Variants in NME7 observed in about 807,000 individuals in gnomAD.
NME7 encodes nucleoside diphosphate kinase 7.
A neutral mutation model predicts 49.1 loss-of-function variants in NME7; 41 were observed. The observed-to-expected ratio is 0.83, with a 90% CI of 0.65 to 1.08. The LOEUF (loss-of-function observed/expected upper bound fraction) is 1.08, where lower values mean the gene tolerates loss of function less well. Ranked by LOEUF, NME7 falls within the 50% of genes least tolerant of loss-of-function variation. The probability of loss-of-function intolerance (pLI) is 0.00; values close to 1 mark genes in which losing one functional copy is unlikely to be tolerated. For missense variants in NME7, 423 were observed against 463.4 expected (o/e 0.91, Z 0.80); for synonymous variants, 139 against 150.6 (o/e 0.92, Z 0.56).
intron 1 of NME7, among the ~76,000 whole-genome samples, chr1:169,332,973 AAGGG>A (rs1652315344): frequency 6.6e-6 from 1 of 152,200 alleles, no homozygotes; most frequent in South Asian, 2.1e-4. Flanking sequence ...ACCCAAATAA[AAGGG>A]AATCAGTATA....
intron 11 of NME7, among the ~76,000 whole-genome samples, chr1:169,153,089 T>G (rs1349807329): frequency 3.3e-5 from 5 of 152,136 alleles, no homozygotes; most frequent in Non-Finnish European, 7.4e-5. Flanking sequence ...TTAGACAAAC[T>G]TGGGTTCAAA....
intron 7 of NME7, among the ~76,000 whole-genome samples, chr1:169,247,764 A>G (rs188894395): frequency 1.3e-5 from 2 of 152,186 alleles, no homozygotes; most frequent in Admixed American, 6.5e-5. Context: ...TGAGTACTTC[A>G]CTTAGAATAA....
At chr1:169,228,007 T>A (rs1647414725) in intron 10 of NME7, among the ~76,000 whole-genome samples, 2 of 148,424 alleles carry the variant, frequency 1.3e-5, no homozygotes, top group South Asian at 2.1e-4. Flanking sequence ...ATAACAAAAA[T>A]AAAGATAGAA....
intron 11 of NME7, among the ~76,000 whole-genome samples, chr1:169,162,553 A>G (rs1659280724): frequency 6.6e-6 from 1 of 152,178 alleles, no homozygotes; most frequent in African/African-American, 2.4e-5. Context: ...TTTAAAAAAT[A>G]TAAATACAGG....
chr1:169,362,329 T>C (rs767813121), intron 1 of NME7, among the ~76,000 whole-genome samples: 2 of 152,230 alleles, frequency 1.3e-5, no homozygotes, highest in African/African-American at 2.4e-5. Context: ...TAACAGTTCA[T>C]CTGGAGTAAT....
intron 1 of NME7, among the ~76,000 whole-genome samples, chr1:169,354,665 C>T (rs193232325): frequency 9.4e-4 from 137 of 145,396 alleles, no homozygotes; most frequent in Middle Eastern, 3.7e-3. Context: ...TAAATATATA[C>T]TTATATATTT....
rs748713116 is a variant in NME7 at position 169,230,828 on chromosome 1, T to C, written c.889-9A>G. ...ATTTCTGTCACCATGTCCTATGATATGTAATATAAAAGAATGAAAAGAATT... is the reference window on the plus strand; with the variant it reads ...ATTTCTGTCACCATGTCCTATGATACGTAATATAAAAGAATGAAAAGAATT... On this transcript the variant is annotated splice_polypyrimidine_tract_variant and intron_variant, in intron 9 of 11. Coordinates refer to ENST00000367811, the MANE Select transcript of NME7 (RefSeq NM_013330.5). The C allele has an allele frequency of 1.4e-5, 22 of 1,531,564 alleles. No homozygotes were observed. The highest frequency in any genetic ancestry group is 2.8e-5 in the African/African-American group (2 of 72,142). 94.9% of individuals were successfully genotyped at this position (1,531,564 alleles called of 1,614,324 possible). A position where few individuals can be genotyped will look rare whatever the true frequency, so the allele number is the denominator to read the frequency against.
At chr1:169,165,760 AAAT>A (rs1435700779) in intron 11 of NME7, among the ~76,000 whole-genome samples, 1 of 152,214 alleles carries the variant, frequency 6.6e-6, no homozygotes. Context: ...ATCTGAAGCC[AAAT>A]AATAATCTGA....
chr1:169,273,903 A>G (rs1649594435), intron 7 of NME7, among the ~76,000 whole-genome samples: 1 of 129,048 alleles, frequency 7.7e-6, no homozygotes, highest in Non-Finnish European at 1.8e-5. Context: ...GCTATTGTGA[A>G]TAGTGCCGCA....
intron 10 of NME7, among the ~76,000 whole-genome samples, chr1:169,216,878 G>A (rs1049206008): frequency 6.6e-6 from 1 of 152,200 alleles, no homozygotes; most frequent in Admixed American, 6.5e-5. Context: ...CTTTTCTGTT[G>A]ACTGTTGTGA....
chr1:169,202,139 T>C (rs1352357382), intron 10 of NME7, among the ~76,000 whole-genome samples: 1 of 152,188 alleles, frequency 6.6e-6, no homozygotes, highest in Non-Finnish European at 1.5e-5. Flanking sequence ...TTGCTGCACA[T>C]AGTAACTGAT....
chr1:169,283,536 A>G (rs757566448), intron 7 of NME7, among the ~76,000 whole-genome samples: 3 of 152,146 alleles, frequency 2.0e-5, no homozygotes, highest in Non-Finnish European at 4.4e-5. Flanking sequence ...GTTTCTTCAT[A>G]GTGTCGATGT....
rs77828579 is a variant in NME7, at chr1:169,331,003, A to G, written c.4-6503T>C. On this transcript the variant is annotated intron_variant, in intron 1 of 11. Coordinates refer to ENST00000367811, the MANE Select transcript of NME7 (RefSeq NM_013330.5). Reference sequence around the variant, plus strand: ...CAAAACCAGACAATGACACATCAAAATAAATAAATAAATAAAACTACAGGT... The same window carrying G: ...CAAAACCAGACAATGACACATCAAAGTAAATAAATAAATAAAACTACAGGT... Among the ~76,000 whole-genome samples the G allele has an allele frequency of 6.2e-3, 945 of 152,258 alleles. 10 individuals carry two copies. The highest frequency in any genetic ancestry group is 0.021 in the African/African-American group (891 of 41,554).
At chr1:169,208,688 G>A (rs532661793) in intron 10 of NME7, among the ~76,000 whole-genome samples, 1 of 152,162 alleles carries the variant, frequency 6.6e-6, no homozygotes, top group African/African-American at 2.4e-5. Context: ...TTTGCATTCT[G>A]TGTAGTAATA....
At chr1:169,337,905 T>C (rs1393777259) in intron 1 of NME7, among the ~76,000 whole-genome samples, 1 of 152,202 alleles carries the variant, frequency 6.6e-6, no homozygotes, top group Non-Finnish European at 1.5e-5. Context: ...TTAACCTTAC[T>C]TTAGTGTGAC....
intron 5 of NME7, chr1:169,302,152 T>C (rs1420244322): frequency 2.6e-5 from 4 of 152,118 alleles, no homozygotes; most frequent in Admixed American, 6.6e-5. Context: ...ACACTGTTGA[T>C]GGAAATGCAA....
At chr1:169,222,410 A>G (rs1661172568) in intron 10 of NME7, among the ~76,000 whole-genome samples, 1 of 152,228 alleles carries the variant, frequency 6.6e-6, no homozygotes, top group African/African-American at 2.4e-5. Flanking sequence ...CCTGTAAGTC[A>G]GCTTTTCTTA....
chr1:169,276,813 T>G (rs1018884272), intron 7 of NME7, among the ~76,000 whole-genome samples: 6 of 136,744 alleles, frequency 4.4e-5, no homozygotes, highest in Admixed American at 1.4e-4. Context: ...CTGCTTTCTC[T>G]TGTGGCCATT....
At chr1:169,301,640 T>TTGC (rs1650942841) in intron 5 of NME7, among the ~76,000 whole-genome samples, 1 of 152,150 alleles carries the variant, frequency 6.6e-6, no homozygotes, top group African/African-American at 2.4e-5. Context: ...GCTGTGCTAT[T>TTGC]CACAATAGCA....
Sources: gnomAD v4.1 joint callset for allele counts (sites outside exome capture counted in the v4.1 genomes callset) on GRCh38, gnomAD v4.1.1 for gene constraint, MANE v1.5 for transcripts, NCBI Gene and HGNC (gene_info 2026-07-23, HGNC 2026-07-21) for gene names.